The following HDAC4 variants were observed in gnomAD, a reference collection of about 807,000 sequenced individuals.
HDAC4 encodes histone deacetylase 4.
HDAC4 carries 16 observed loss-of-function variants against 135.1 expected under a neutral mutation model. The observed-to-expected ratio is 0.12, with a 90% CI of 0.08 to 0.18. HDAC4 has a LOEUF of 0.18. Ranked by LOEUF, HDAC4 falls within the 10% of genes least tolerant of loss-of-function variation. The pLI is 1.00. For missense variants in HDAC4, 1,143 were observed against 1,511.8 expected, an observed-to-expected ratio of 0.76 and a Z score of 4.05; for synonymous variants, 685 against 653.4, an observed-to-expected ratio of 1.05 and a Z score of -0.74.
chr2:239,086,261 G>A (rs1574967206), intron 19 of HDAC4, among the ~76,000 whole-genome samples: 2 of 46,240 alleles, frequency 4.3e-5, no homozygotes, highest in Admixed American at 2.5e-4. Context: ...TCTAACACGC[G>A]GATCTGACTA....
At chr2:239,284,914 G>C (rs1360880038) in intron 2 of HDAC4, among the ~76,000 whole-genome samples, 1 of 152,184 alleles carries the variant, frequency 6.6e-6, no homozygotes. Flanking sequence ...GGTATATTTA[G>C]AGGCTCAGAA....
intron 1 of HDAC4, among the ~76,000 whole-genome samples, chr2:239,357,491 A>G (rs2125941132): frequency 6.6e-6 from 1 of 152,212 alleles, no homozygotes; most frequent in South Asian, 2.1e-4. Flanking sequence ...AGAACAGAGA[A>G]AAATCAATGA....
At chr2:239,200,413 T>C (rs1357397602) in intron 3 of HDAC4, among the ~76,000 whole-genome samples, 1 of 152,196 alleles carries the variant, frequency 6.6e-6, no homozygotes, top group African/African-American at 2.4e-5. Context: ...GTAGAGAAAG[T>C]AGAAGTATTC....
chr2:239,257,645 C>A (rs1350033619), intron 2 of HDAC4, among the ~76,000 whole-genome samples: 42 of 152,196 alleles, frequency 2.8e-4, no homozygotes, highest in Admixed American at 2.7e-3. Flanking sequence ...CTTCTAATGA[C>A]TCTGTAATCC....
rs1052986287 is a variant in HDAC4, at chr2:239,052,800, C to T, written c.*297G>A. On this transcript the variant is annotated 3_prime_UTR_variant, in exon 27 of 27. Coordinates refer to ENST00000543185, the MANE Select transcript of HDAC4 (RefSeq NM_001378414.1). ...TGTTGCCACAGGCTCCTTTCTTCCA[C>T]GGCGTCCCTTGCGGGACCCGCCAGA... 3.8e-5 allele frequency: 17 copies of T among 441,812 alleles called. No individual in the cohort carries two copies. Among genetic ancestry groups the T allele is most frequent in the Admixed American group, 7.7e-5 (2 of 26,062 alleles). 27.4% of individuals were successfully genotyped at this position (441,812 alleles called of 1,614,324 possible).
intron 4 of HDAC4, among the ~76,000 whole-genome samples, chr2:239,183,083 A>G (rs2044256951): frequency 1.3e-5 from 2 of 152,254 alleles, no homozygotes; most frequent in African/African-American, 4.8e-5. Context: ...GACTGAAACT[A>G]TAATGAGCAA....
rs1696436321 is a variant in HDAC4, at chr2:239,394,480, T to G, written c.-220+6498A>C. On this transcript the variant is annotated intron_variant, in intron 1 of 26. Transcript: ENST00000543185. ...TGGGCGAAGCGGCTGGAGAACAAGCTGCACACACCTGCCTTGGCCTTGGCA... is the reference window on the plus strand; with the variant it reads ...TGGGCGAAGCGGCTGGAGAACAAGCGGCACACACCTGCCTTGGCCTTGGCA... 2.0e-5 allele frequency among the ~76,000 whole-genome samples: 3 copies of G among 152,262 alleles called. No individual in the cohort carries two copies. The South Asian group carries it at 6.2e-4, about 31-fold the overall frequency.
intron 12 of HDAC4, among the ~76,000 whole-genome samples, chr2:239,120,847 G>A (rs1297287366): frequency 1.3e-5 from 2 of 152,116 alleles, no homozygotes; most frequent in East Asian, 3.9e-4. Flanking sequence ...AGGGTGGAGG[G>A]GAGGGGTTCC....
At chr2:239,140,906 A>G in intron 8 of HDAC4, 1 of 458,228 alleles carries the variant, frequency 2.2e-6, no homozygotes, top group South Asian at 1.6e-5. Flanking sequence ...GGAGGTGGTG[A>G]CTCTGCAAAT....
At chr2:239,101,237 A>G (rs2037593166) in intron 16 of HDAC4, among the ~76,000 whole-genome samples, 1 of 152,150 alleles carries the variant, frequency 6.6e-6, no homozygotes, top group African/African-American at 2.4e-5. Flanking sequence ...GGGACTCCGG[A>G]AGCAGCGTGA....
chr2:239,152,891 C>T (rs950111024), intron 7 of HDAC4, among the ~76,000 whole-genome samples: 2 of 152,178 alleles, frequency 1.3e-5, no homozygotes, highest in African/African-American at 4.8e-5. Flanking sequence ...TGGTCCTACT[C>T]GAAGGACTTT....
At chr2:239,363,625 TG>T (rs2125976558) in intron 1 of HDAC4, among the ~76,000 whole-genome samples, 1 of 152,240 alleles carries the variant, frequency 6.6e-6, no homozygotes, top group East Asian at 1.9e-4. Flanking sequence ...AGGTAAGCAA[TG>T]AGGCCTGGTC....
intron 22 of HDAC4, among the ~76,000 whole-genome samples, chr2:239,078,436 A>G (rs1037453701): frequency 6.6e-6 from 1 of 152,190 alleles, no homozygotes; most frequent in African/African-American, 2.4e-5. Context: ...GAGCAGAAGA[A>G]AGGGGAAAAC....
chr2:239,382,679 G>C (rs568243407), intron 1 of HDAC4, among the ~76,000 whole-genome samples: 1 of 152,066 alleles, frequency 6.6e-6, no homozygotes, highest in Non-Finnish European at 1.5e-5. Flanking sequence ...GCCAGGAAAA[G>C]CCAGCCCACC....
At chr2:239,170,663 G>T (rs1370112410) in intron 5 of HDAC4, among the ~76,000 whole-genome samples, 1 of 152,160 alleles carries the variant, frequency 6.6e-6, no homozygotes, top group East Asian at 1.9e-4. Flanking sequence ...AAACCTACTG[G>T]AAATGGTCAG....
chr2:239,305,421 G>A (rs1341854935), intron 2 of HDAC4: 1 of 152,644 alleles, frequency 6.6e-6, no homozygotes, highest in African/African-American at 2.4e-5. Flanking sequence ...CTGTGGGTCC[G>A]CGGCTCCATT....
At chr2:239,286,833 T>G (rs1260679575) in intron 2 of HDAC4, among the ~76,000 whole-genome samples, 2 of 152,116 alleles carry the variant, frequency 1.3e-5, no homozygotes, top group Non-Finnish European at 2.9e-5. Flanking sequence ...AAAACTCACC[T>G]CCAAGTTTTG....
intron 1 of HDAC4, among the ~76,000 whole-genome samples, chr2:239,378,463 A>G (rs769900697): frequency 6.6e-6 from 1 of 152,044 alleles, no homozygotes; most frequent in Non-Finnish European, 1.5e-5. Context: ...ACCCACACTG[A>G]ACGTGCACCA....
intron 2 of HDAC4, among the ~76,000 whole-genome samples, chr2:239,302,844 G>A (rs2052348142): frequency 6.6e-6 from 1 of 152,248 alleles, no homozygotes; most frequent in African/African-American, 2.4e-5. Context: ...CCCCAAAAGA[G>A]TCTCTCAAGT....
Sources: allele counts gnomAD v4.1 joint callset (sites outside exome capture counted in the v4.1 genomes callset), GRCh38; gene constraint gnomAD v4.1.1; transcripts MANE v1.5; gene names NCBI Gene and HGNC (gene_info 2026-07-23, HGNC 2026-07-21).